Variants in NLGN1 observed in about 807,000 individuals in gnomAD.
NLGN1 encodes neuroligin-1.
In NLGN1, 12 loss-of-function variants were observed where a neutral mutation model predicts 65.5. The observed-to-expected ratio is 0.18, with a 90% CI of 0.12 to 0.30. The LOEUF is 0.30. Ranked by LOEUF, NLGN1 falls within the 10% of genes least tolerant of loss-of-function variation. NLGN1 has a pLI of 1.00. For missense variants in NLGN1, 750 were observed against 1,007.1 expected, an observed-to-expected ratio of 0.74 and a Z score of 3.46; for synonymous variants, 350 against 359.5, an observed-to-expected ratio of 0.97 and a Z score of 0.30.
At chr3:173,475,946 G>A (rs1726129890) in intron 2 of NLGN1, among the ~76,000 whole-genome samples, 3 of 152,188 alleles carry the variant, frequency 2.0e-5, no homozygotes, top group African/African-American at 7.2e-5. Context: ...TTAATGAGAT[G>A]AAAGGAAGGA....
intron 3 of NLGN1, among the ~76,000 whole-genome samples, chr3:173,709,031 G>A (rs570402330): frequency 3.5e-4 from 54 of 152,316 alleles, no homozygotes; most frequent in African/African-American, 1.3e-3. Context: ...TGTAGGTTAT[G>A]TATGTGAAAG....
chr3:173,777,230 G>A (rs9882520), intron 3 of NLGN1, among the ~76,000 whole-genome samples: 115,915 of 151,768 alleles, frequency 0.76, 45,346 homozygotes, highest in Non-Finnish European at 0.84. Flanking sequence ...ATGGGTAAGT[G>A]TTAGCTTTAC....
intron 4 of NLGN1, among the ~76,000 whole-genome samples, chr3:173,921,338 A>G (rs1016260928): frequency 2.0e-5 from 3 of 148,634 alleles, no homozygotes; most frequent in African/African-American, 4.9e-5. Flanking sequence ...AAATAATTCA[A>G]TTGATTTTAG....
In NLGN1 at chr3:174,005,452, A is replaced by T. The variant is rs184694386; in HGVS notation, c.646+197620A>T. Among the ~76,000 whole-genome samples, 4 of 152,280 alleles carry T rather than the reference A, an allele frequency of 2.6e-5. No homozygotes were observed. In the South Asian group the frequency reaches 8.3e-4, roughly 32 times the overall value. ...AAATATTCATTAAATGAATGTACCA[A>T]TGAAATGTAATATATATGACTCTGT... On this transcript the variant is annotated intron_variant, in intron 4 of 6. Coordinates refer to ENST00000457714, the Ensembl canonical transcript of NLGN1.
chr3:173,869,968 C>T (rs531362419), intron 4 of NLGN1, among the ~76,000 whole-genome samples: 244 of 152,224 alleles, frequency 1.6e-3, no homozygotes, highest in African/African-American at 5.7e-3. Context: ...ATTCTAGACA[C>T]GGCTGACTTC....
At chr3:174,163,821 T>C (rs1434737133) in intron 4 of NLGN1, among the ~76,000 whole-genome samples, 2 of 152,126 alleles carry the variant, frequency 1.3e-5, no homozygotes, top group African/African-American at 4.8e-5. Flanking sequence ...GTTTTCGTTA[T>C]CCAGTCCACC....
chr3:173,837,259 CAA>C (rs1470141814), intron 4 of NLGN1, among the ~76,000 whole-genome samples: 1 of 151,862 alleles, frequency 6.6e-6, no homozygotes, highest in East Asian at 1.9e-4. Flanking sequence ...TTAATAAAGA[CAA>C]AAGATGTTTT....
chr3:174,060,024 C>T (rs1461740749), intron 4 of NLGN1, among the ~76,000 whole-genome samples: 1 of 152,052 alleles, frequency 6.6e-6, no homozygotes, highest in Non-Finnish European at 1.5e-5. Flanking sequence ...CACTCAAAAA[C>T]GTCACTTAAC....
At chr3:173,460,226 G>T (rs1172231263) in intron 2 of NLGN1, among the ~76,000 whole-genome samples, 2 of 151,882 alleles carry the variant, frequency 1.3e-5, no homozygotes, top group Non-Finnish European at 2.9e-5. Context: ...TGCATTGTAG[G>T]TATTTATGAA....
At chr3:174,088,243 T>A (rs979003751) in intron 4 of NLGN1, among the ~76,000 whole-genome samples, 4 of 151,902 alleles carry the variant, frequency 2.6e-5, no homozygotes, top group African/African-American at 9.7e-5. Context: ...GTTCAGATAC[T>A]TTACGAGAGA....
chr3:174,223,836 A>G (rs1739113908), intron 4 of NLGN1, among the ~76,000 whole-genome samples: 1 of 152,164 alleles, frequency 6.6e-6, no homozygotes, highest in Admixed American at 6.5e-5. Flanking sequence ...CAAATCATTA[A>G]CTTCCAAATT....
At chr3:173,674,385 C>CT (rs35213362) in intron 3 of NLGN1, among the ~76,000 whole-genome samples, 37,972 of 151,916 alleles carry the variant, frequency 0.25, 5,944 homozygotes, top group Non-Finnish European at 0.34. Flanking sequence ...ATTATCCCAA[C>CT]TTTACAGATG....
downstream of NLGN1, among the ~76,000 whole-genome samples, chr3:174,289,796 A>G (rs1752524199): frequency 1.3e-5 from 2 of 150,454 alleles, no homozygotes; most frequent in South Asian, 2.1e-4. Context: ...TTTTCCCCAG[A>G]GACATTGACT....
chr3:173,799,526 C>A (rs2150402435), intron 3 of NLGN1, among the ~76,000 whole-genome samples: 1 of 152,006 alleles, frequency 6.6e-6, no homozygotes, highest in Non-Finnish European at 1.5e-5. Context: ...GGCATAATTC[C>A]ATTATATTAC....
At chr3:174,135,860 A>G (rs1721117237) in intron 4 of NLGN1, among the ~76,000 whole-genome samples, 1 of 152,192 alleles carries the variant, frequency 6.6e-6, no homozygotes, top group South Asian at 2.1e-4. Context: ...TTTAAGATTC[A>G]GACCCAGATC....
At chr3:174,111,292 G>C (rs1214283919) in intron 4 of NLGN1, among the ~76,000 whole-genome samples, 1 of 151,842 alleles carries the variant, frequency 6.6e-6, no homozygotes, top group Admixed American at 6.6e-5. Context: ...CCAGTAACTA[G>C]TAGTTAATTC....
At chr3:173,976,845 T>C (rs1304203247) in intron 4 of NLGN1, among the ~76,000 whole-genome samples, 1 of 152,142 alleles carries the variant, frequency 6.6e-6, no homozygotes, top group Admixed American at 6.6e-5. Context: ...TTTGATATTT[T>C]TAGCCTCTTG....
intron 3 of NLGN1, among the ~76,000 whole-genome samples, chr3:173,698,790 A>G (rs1393877192): frequency 6.6e-6 from 1 of 152,150 alleles, no homozygotes; most frequent in Non-Finnish European, 1.5e-5. Flanking sequence ...GAGCTAAGAG[A>G]ATGCCAGTGA....
At chr3:173,715,489 T>C (rs1019007237) in intron 3 of NLGN1, among the ~76,000 whole-genome samples, 8 of 152,174 alleles carry the variant, frequency 5.3e-5, no homozygotes, top group Non-Finnish European at 8.8e-5. Context: ...CTTTAATGTT[T>C]AGGATTCTTG....
Sources: gnomAD v4.1 joint callset for allele counts (sites outside exome capture counted in the v4.1 genomes callset) on GRCh38, gnomAD v4.1.1 for gene constraint, MANE v1.5 for transcripts, NCBI Gene and HGNC (gene_info 2026-07-23, HGNC 2026-07-21) for gene names.